The following NCKAP5 variants were observed in gnomAD, a reference collection of about 807,000 sequenced individuals.
The protein encoded by NCKAP5 is nck-associated protein 5.
NCKAP5 carries 92 observed loss-of-function variants against 167.0 expected under a neutral mutation model. The observed-to-expected ratio is 0.55, with a 90% CI of 0.47 to 0.66. The LOEUF is 0.66. NCKAP5 is among the 30% of genes least tolerant of loss of function. The probability of loss-of-function intolerance (pLI) is 0.00; values close to 1 mark genes in which losing one functional copy is unlikely to be tolerated. For missense variants in NCKAP5, 2,378 were observed against 2,315.0 expected, an observed-to-expected ratio of 1.03 and a Z score of -0.56; for synonymous variants, 891 against 877.4, an observed-to-expected ratio of 1.02 and a Z score of -0.27.
At chr2:133,484,095 C>T (rs1374967510) in intron 3 of NCKAP5, among the ~76,000 whole-genome samples, 2 of 152,104 alleles carry the variant, frequency 1.3e-5, no homozygotes, top group Non-Finnish European at 2.9e-5. Context: ...CTTAAAAAGG[C>T]CCTTGCATGA....
At chr2:132,773,700 T>G in intron 16 of NCKAP5, 116 bp downstream of exon 16, 1 of 805,584 alleles carries the variant, frequency 1.2e-6, no homozygotes, top group South Asian at 1.9e-5. Context: ...CATGTGTGAA[T>G]AGTTAACACT....
the NCKAP5 span, among the ~76,000 whole-genome samples, chr2:133,645,029 C>T: frequency 6.6e-6 from 1 of 152,222 alleles, no homozygotes; most frequent in South Asian, 2.1e-4. Context: ...AAGGGAACTC[C>T]AATTATCCTG....
intron 12 of NCKAP5, 54 bp from the exon 13 acceptor site, chr2:132,790,259 T>C: frequency 6.7e-7 from 1 of 1,489,946 alleles, no homozygotes; most frequent in South Asian, 1.3e-5. Context: ...AGAGTAAATA[T>C]CAACACAACC....
At chr2:133,149,966 T>TA (rs1300437424) in intron 5 of NCKAP5, among the ~76,000 whole-genome samples, 2 of 152,170 alleles carry the variant, frequency 1.3e-5, no homozygotes. Context: ...TGTCAGTCTT[T>TA]AGCACAATCC....
chr2:133,316,503 T>A (rs1260354232), intron 3 of NCKAP5, among the ~76,000 whole-genome samples: 6 of 152,232 alleles, frequency 3.9e-5, no homozygotes, highest in Non-Finnish European at 7.3e-5. Context: ...AGAAAGAGGT[T>A]ACTTCCTGCA....
chr2:132,935,760 C>T (rs1303004230), intron 8 of NCKAP5, among the ~76,000 whole-genome samples: 1 of 152,042 alleles, frequency 6.6e-6, no homozygotes, highest in African/African-American at 2.4e-5. Context: ...AGGACCCTTG[C>T]TCACACCTTG....
In NCKAP5 at chr2:132,923,951, G is replaced by A. The variant is rs1483718138; in HGVS notation, c.579+39769C>T. On this transcript the variant is annotated intron_variant, in intron 8 of 19. Coordinates refer to ENST00000409261, the MANE Select transcript of NCKAP5 (RefSeq NM_207363.3). ...GGATCTGACACATTAAAAGCTGGAC[G>A]TTAGCCCAGTTAGCCTGAGTGAGAA... 4.6e-5 allele frequency among the ~76,000 whole-genome samples: 7 copies of A among 152,264 alleles called. No homozygotes were observed. The South Asian group carries it at 8.3e-4, about 18-fold the overall frequency.
intron 2 of NCKAP5, among the ~76,000 whole-genome samples, chr2:133,528,786 C>T (rs952296617): frequency 1.3e-5 from 2 of 152,168 alleles, no homozygotes; most frequent in African/African-American, 2.4e-5. Context: ...GCCTTCCCGG[C>T]CCCCTCTTCA....
Position 133,401,149 on chromosome 2 carries a change from G to A in NCKAP5, c.70-98039C>T, listed in dbSNP as rs115113879. 5.3e-3 allele frequency among the ~76,000 whole-genome samples: 809 copies of A among 152,232 alleles called. 5 individuals carry two copies. Among genetic ancestry groups the A allele is most frequent in the African/African-American group, 0.018 (763 of 41,548 alleles). On this transcript the variant is annotated intron_variant, in intron 3 of 19. Transcript: ENST00000409261. ...ATCAATCACGTCTATGTAACAGAAC[G>A]TCCACAAAAAATCCTAAACGAAAAC... is the stretch of plus-strand genomic sequence containing the variant.
intron 2 of NCKAP5, among the ~76,000 whole-genome samples, chr2:133,534,864 C>G (rs1685637217): frequency 6.6e-6 from 1 of 152,144 alleles, no homozygotes; most frequent in South Asian, 2.1e-4. Flanking sequence ...ATTGCCGGAT[C>G]AAATGGAAAC....
intron 3 of NCKAP5, among the ~76,000 whole-genome samples, chr2:133,371,955 A>T (rs962525944): frequency 6.6e-6 from 1 of 152,228 alleles, no homozygotes; most frequent in Admixed American, 6.5e-5. Context: ...TGAAATATTT[A>T]CAAGCTTATC....
intron 19 of NCKAP5, among the ~76,000 whole-genome samples, chr2:132,720,611 G>T (rs1372408605): frequency 2.0e-5 from 3 of 152,292 alleles, no homozygotes; most frequent in African/African-American, 7.2e-5. Context: ...CAATGGGAGT[G>T]GGTGGTGGGA....
At chr2:133,575,317 T>G in the NCKAP5 span, among the ~76,000 whole-genome samples, 1 of 152,214 alleles carries the variant, frequency 6.6e-6, no homozygotes, top group African/African-American at 2.4e-5. Flanking sequence ...ACAATAACCA[T>G]TGTTCAATCT....
intron 7 of NCKAP5, among the ~76,000 whole-genome samples, chr2:132,988,815 G>A (rs2077371020): frequency 6.6e-6 from 1 of 152,174 alleles, no homozygotes; most frequent in African/African-American, 2.4e-5. Context: ...ATCCCCTAGA[G>A]GGTACTTGAT....
chr2:132,779,201 G>C (rs1212899875), intron 15 of NCKAP5, among the ~76,000 whole-genome samples: 2 of 152,230 alleles, frequency 1.3e-5, no homozygotes, highest in African/African-American at 4.8e-5. Flanking sequence ...CTGCAGATGA[G>C]AGAGGAAAAG....
At chr2:133,252,911 C>T (rs578127100) in intron 4 of NCKAP5, among the ~76,000 whole-genome samples, 63 of 152,288 alleles carry the variant, frequency 4.1e-4, no homozygotes, top group African/African-American at 1.4e-3. Context: ...AACCCTTTAC[C>T]ATTGTCCTTC....
At chr2:132,909,817 C>T (rs981782520) in intron 8 of NCKAP5, among the ~76,000 whole-genome samples, 4 of 152,174 alleles carry the variant, frequency 2.6e-5, no homozygotes, top group Non-Finnish European at 5.9e-5. Flanking sequence ...ACCAAAATCT[C>T]CAAGTGGTTG....
intron 3 of NCKAP5, among the ~76,000 whole-genome samples, chr2:133,315,092 G>A (rs182636760): frequency 1.3e-5 from 2 of 152,264 alleles, no homozygotes; most frequent in Non-Finnish European, 1.5e-5. Context: ...GTGACATAGG[G>A]AACAATTGCA....
chr2:133,234,710 T>A (rs17738653), intron 4 of NCKAP5, among the ~76,000 whole-genome samples: 6,422 of 152,092 alleles, frequency 0.042, 214 homozygotes, highest in Non-Finnish European at 0.062. Flanking sequence ...TTGAAAGAAA[T>A]GTAGTTCATC....
Sources: allele counts gnomAD v4.1 joint callset (sites outside exome capture counted in the v4.1 genomes callset), GRCh38; gene constraint gnomAD v4.1.1; transcripts MANE v1.5; gene names NCBI Gene and HGNC (gene_info 2026-07-23, HGNC 2026-07-21).